Variants in MXRA7 observed in about 807,000 individuals in gnomAD.
The protein encoded by MXRA7 is matrix remodeling associated 7.
MXRA7 carries 18 observed loss-of-function variants against 17.4 expected under a neutral mutation model. The observed-to-expected ratio is 1.03, with a 90% CI of 0.71 to 1.53. MXRA7 has a LOEUF of 1.53. Among genes scored for constraint, MXRA7 ranks in the 40% most tolerant of loss-of-function variants. MXRA7 has a pLI of 0.00. For missense variants in MXRA7, 141 were observed against 209.3 expected (o/e 0.67, Z 2.01); for synonymous variants, 70 against 101.7 (o/e 0.69, Z 1.87).
intron 1 of MXRA7, among the ~76,000 whole-genome samples, chr17:76,702,396 T>C (rs2076600430): frequency 6.6e-6 from 1 of 152,146 alleles, no homozygotes; most frequent in Admixed American, 6.5e-5. Flanking sequence ...TAGTCCCAGC[T>C]ACTTAGGAGG....
chr17:76,695,911 G>A (rs2076529210), intron 1 of MXRA7, among the ~76,000 whole-genome samples: 1 of 151,974 alleles, frequency 6.6e-6, no homozygotes, highest in Admixed American at 6.6e-5. Context: ...TGGCCAACAC[G>A]GTGAGACCCC....
rs2076297828 is a variant in MXRA7, at chr17:76,681,137, C to G, written c.501-258G>C. 6.6e-6 allele frequency among the ~76,000 whole-genome samples: 1 copy of G among 152,194 alleles called. No homozygotes were observed. Among genetic ancestry groups the G allele is most frequent in the Non-Finnish European group, 1.5e-5 (1 of 68,032 alleles). On this transcript the variant is annotated intron_variant, in intron 3 of 3. Coordinates refer to ENST00000449428, the MANE Select transcript of MXRA7 (RefSeq NM_198530.4). The surrounding 1 kb of genome is among the most constrained non-coding windows in gnomAD (Gnocchi z 4.7). Reference sequence around the variant, plus strand: ...AACCTGGCAGCCCACAGACCCTGTTCAGCCTCTGCAGGGTACTTAAGGAAG... The same window carrying G: ...AACCTGGCAGCCCACAGACCCTGTTGAGCCTCTGCAGGGTACTTAAGGAAG...
chr17:76,689,701 T>C (rs1289312469), intron 1 of MXRA7: 1 of 152,150 alleles, frequency 6.6e-6, no homozygotes, highest in African/African-American at 2.4e-5. Flanking sequence ...TCTGACCGCG[T>C]GCAGTTGAAA....
intron 2 of MXRA7, 24 bp downstream of exon 2, chr17:76,688,089 C>T (rs1205048867): frequency 1.9e-6 from 3 of 1,612,016 alleles, no homozygotes; most frequent in East Asian, 2.2e-5. Flanking sequence ...CAGGCCCCCT[C>T]ATGAGCGCAG....
intron 1 of MXRA7, among the ~76,000 whole-genome samples, chr17:76,707,087 C>T (rs952865209): frequency 3.3e-5 from 5 of 152,158 alleles, no homozygotes; most frequent in Non-Finnish European, 5.9e-5. Flanking sequence ...AATAAGCTTA[C>T]CTAACACAGC....
intron 1 of MXRA7, 189 bp from the exon 2 acceptor site, chr17:76,688,365 G>A (rs1206319565): frequency 1.4e-6 from 2 of 1,436,992 alleles, no homozygotes; most frequent in Admixed American, 5.6e-5. Flanking sequence ...GGGCCAAAGT[G>A]ACTCGGCTCA....
At chr17:76,688,008 ATCCCTCCCCTCGGC>A in intron 2 of MXRA7, 91 bp downstream of exon 2, 1 of 570,170 alleles carries the variant, frequency 1.8e-6, no homozygotes, top group Non-Finnish European at 3.2e-6. Context: ...GTCCCACCCC[ATCCCTCCCCTCGGC>A]ACTCGAACCC....
chr17:76,691,461 C>T (rs1212265725), intron 1 of MXRA7, among the ~76,000 whole-genome samples: 1 of 152,188 alleles, frequency 6.6e-6, no homozygotes, highest in Non-Finnish European at 1.5e-5. Flanking sequence ...GATTTGTAGG[C>T]AAGTAGGACC....
intron 2 of MXRA7, among the ~76,000 whole-genome samples, chr17:76,686,206 T>C (rs1422193400): frequency 1.3e-5 from 2 of 152,136 alleles, no homozygotes; most frequent in African/African-American, 2.4e-5. Context: ...TGGTTGGGTG[T>C]GGTGGCTCAT....
At chr17:76,701,667 G>C (rs2076592339) in intron 1 of MXRA7, among the ~76,000 whole-genome samples, 1 of 152,080 alleles carries the variant, frequency 6.6e-6, no homozygotes. Context: ...CAGACAAGGA[G>C]GGAGTATGTT....
intron 1 of MXRA7, chr17:76,688,888 G>A: frequency 2.9e-6 from 1 of 349,684 alleles, no homozygotes; most frequent in Non-Finnish European, 5.1e-6. Flanking sequence ...GTGGGTAGAT[G>A]TGGAAATGAA....
Position 76,680,893 on chromosome 17 carries a change from TG to T in MXRA7, c.501-15del, listed in dbSNP as rs1299086159. On this transcript the variant is annotated splice_polypyrimidine_tract_variant and intron_variant, in intron 3 of 3. Transcript: ENST00000449428. ...TATTCTTCAGTTCTGTAAAGAGAAA[TG>T]GGGAGAAAAAGATAATTTATTTTAC... 2 of 1,592,876 alleles carry T rather than the reference TG, an allele frequency of 1.3e-6. No individual in the cohort carries two copies. The highest frequency in any genetic ancestry group is 2.7e-5 in the African/African-American group (2 of 74,460).
intron 3 of MXRA7, 97 bp downstream of exon 3, chr17:76,684,975 G>A: frequency 1.0e-6 from 1 of 982,570 alleles, no homozygotes; most frequent in East Asian, 2.4e-5. Flanking sequence ...CCTCCTTTCT[G>A]GGCCCTTCTG....
chr17:76,678,358 C>G (rs923861566), downstream of MXRA7, among the ~76,000 whole-genome samples: 1 of 152,178 alleles, frequency 6.6e-6, no homozygotes, highest in Non-Finnish European at 1.5e-5. Flanking sequence ...TTGCTCCACG[C>G]GGGTTCTGTG....
rs1162259790 is a variant in MXRA7 at position 76,710,914 on chromosome 17, C to T, written c.33G>A (p.Leu11=). The T allele has an allele frequency of 6.0e-6, 6 of 1,001,566 alleles. No individual in the cohort carries two copies. In the African/African-American group the frequency reaches 8.8e-5, roughly 15 times the overall value. The allele number at this position is 1,001,566 out of a possible 1,614,324, so 62.0% of individuals were successfully genotyped here. ...GGGCCAGCGCGGTGGCCAGCGCAGGCAGCGCGGCCAGTAGCTCGGCCGGCG... is the reference window on the plus strand; with the variant it reads ...GGGCCAGCGCGGTGGCCAGCGCAGGTAGCGCGGCCAGTAGCTCGGCCGGCG... MEAPAELLAA[L]PALATALALL... The change falls in exon 1 of 4, where the codon CTG becomes CTA. Residue 11 remains leucine, a synonymous_variant. Coordinates refer to ENST00000449428, the MANE Select transcript of MXRA7 (RefSeq NM_198530.4).
rs576585338 is a variant in MXRA7, at chr17:76,690,686, C to T, written c.343-2510G>A. ...TAAATATATATATATTTGGTTTCGG[C>T]CCCCAGTTCTTGACACAGTTTTTAT... is the stretch of plus-strand genomic sequence containing the variant. On this transcript the variant is annotated intron_variant, in intron 1 of 3. Transcript: ENST00000449428. 7.9e-5 allele frequency among the ~76,000 whole-genome samples: 12 copies of T among 152,040 alleles called. No individual in the cohort carries two copies. In the East Asian group the frequency reaches 2.3e-3, roughly 29 times the overall value.
Position 76,688,114 on chromosome 17 carries a change from G to T in MXRA7, c.405C>A (p.Asp135Glu), listed in dbSNP as rs142545326. ...GPSSEGPEEE[D>E]GEGFSFKYSP... ...CATGAGCGCAGAGGTCCCACTCACC[G>T]TCCTCCTCCTCAGGCCCTTCCGATG... The change falls in exon 2 of 4, where the codon GAC becomes GAA. Residue 135 changes from aspartate (D) to glutamate (E), a missense_variant and splice_region_variant. Coordinates refer to ENST00000449428, the MANE Select transcript of MXRA7 (RefSeq NM_198530.4). 9.9e-6 allele frequency: 16 copies of T among 1,611,030 alleles called. No individual in the cohort carries two copies. The highest frequency in any genetic ancestry group is 1.3e-5 in the Non-Finnish European group (15 of 1,178,638).
At chr17:76,707,780 G>A (rs569348390) in intron 1 of MXRA7, among the ~76,000 whole-genome samples, 1 of 152,250 alleles carries the variant, frequency 6.6e-6, no homozygotes, top group African/African-American at 2.4e-5. Context: ...TAGGTAAGAG[G>A]CCTGGCAATC....
At chr17:76,698,364 G>C (rs4789346) in intron 1 of MXRA7, among the ~76,000 whole-genome samples, 83,415 of 149,840 alleles carry the variant, frequency 0.56, 23,295 homozygotes, top group East Asian at 0.65. Context: ...TGCAATGGGC[G>C]GGGGGGGAGC....
Sources: gnomAD v4.1 joint callset for allele counts (sites outside exome capture counted in the v4.1 genomes callset) on GRCh38, gnomAD v4.1.1 for gene constraint, Gnocchi (gnomAD v3.1) non-coding constraint, MANE v1.5 for transcripts, NCBI Gene and HGNC (gene_info 2026-07-23, HGNC 2026-07-21) for gene names.